The following PTPRD variants were observed in gnomAD, a reference collection of about 807,000 sequenced individuals.
The protein encoded by PTPRD is protein tyrosine phosphatase receptor type D.
PTPRD carries 34 observed loss-of-function variants against 214.5 expected under a neutral mutation model. The ratio of observed to expected loss-of-function variants is 0.16; its 90% CI spans 0.12 to 0.21. The LOEUF (loss-of-function observed/expected upper bound fraction) is 0.21, where lower values mean the gene tolerates loss of function less well. Ranked by LOEUF, PTPRD falls within the 10% of genes least tolerant of loss-of-function variation. The pLI, the probability that PTPRD is intolerant of heterozygous loss-of-function variation, is 1.00. For synonymous variants in PTPRD, 1,128 were observed against 845.7 expected, an observed-to-expected ratio of 1.33 and a Z score of -5.79; for missense variants, 2,545 against 2,398.7, an observed-to-expected ratio of 1.06 and a Z score of -1.27.
chr9:8,955,118 G>T (rs2099124221), intron 11 of PTPRD, among the ~76,000 whole-genome samples: 1 of 151,904 alleles, frequency 6.6e-6, no homozygotes, highest in South Asian at 2.1e-4. Flanking sequence ...GGAAGAGAGA[G>T]AGCTGAAGTG....
At chr9:10,450,101 T>G (rs1327667234) in intron 2 of PTPRD, among the ~76,000 whole-genome samples, 1 of 151,756 alleles carries the variant, frequency 6.6e-6, no homozygotes, top group African/African-American at 2.4e-5. Flanking sequence ...ACACAAACAC[T>G]GCGGAAGGCC....
intron 11 of PTPRD, among the ~76,000 whole-genome samples, chr9:8,772,913 A>C (rs1053307975): frequency 2.6e-5 from 4 of 152,126 alleles, no homozygotes; most frequent in African/African-American, 9.7e-5. Flanking sequence ...AAACATTTTG[A>C]TAACTTTAGG....
chr9:9,620,968 A>T (rs1192217129), intron 7 of PTPRD, among the ~76,000 whole-genome samples: 2 of 152,126 alleles, frequency 1.3e-5, no homozygotes, highest in African/African-American at 4.8e-5. Context: ...TGCTCCACAG[A>T]TGGAGAATTA....
chr9:9,051,312 G>C, intron 10 of PTPRD, among the ~76,000 whole-genome samples: 1 of 152,058 alleles, frequency 6.6e-6, no homozygotes, highest in Non-Finnish European at 1.5e-5. Flanking sequence ...ATTTAAAGTA[G>C]GCCCATTTTA....
At position 8,340,365 on chromosome 9, in the gene PTPRD, G is replaced by C. The variant is rs1305395989; in HGVS notation, c.5231C>G (p.Thr1744Ser). The C allele has an allele frequency of 8.1e-6, 13 of 1,609,790 alleles. No homozygotes were observed. Among genetic ancestry groups the C allele is most frequent in the Admixed American group, 1.7e-5 (1 of 59,820 alleles). Residue 1744 changes from threonine to serine, a missense_variant, in exon 42 of 46, where the codon ACC (threonine) becomes AGC (serine). Physicochemically the swap from Thr to Ser is moderately conservative, Grantham distance 58. Transcript: ENST00000381196. ...EHNSTIVVML[T>S]KLREMGREKC... ...TACTCTGCCCATTTCACGCAGCTTG[G>C]TGAGCATCACAACTATGGTGGAATT...
chr9:10,209,453 T>A (rs1564541758), intron 3 of PTPRD, among the ~76,000 whole-genome samples: 1 of 152,142 alleles, frequency 6.6e-6, no homozygotes, highest in African/African-American at 2.4e-5. Flanking sequence ...AATGGGCCAT[T>A]AGGGAAGGGA....
At chr9:10,394,065 T>C (rs1359819508) in intron 2 of PTPRD, among the ~76,000 whole-genome samples, 1 of 144,668 alleles carries the variant, frequency 6.9e-6, no homozygotes, top group Non-Finnish European at 1.5e-5. Flanking sequence ...ATTATATATA[T>C]ATATATATAT....
intron 43 of PTPRD, 126 bp from the exon 44 acceptor site, chr9:8,331,862 A>C (rs1156538690): frequency 8.9e-7 from 1 of 1,125,060 alleles, no homozygotes; most frequent in Admixed American, 3.2e-5. Flanking sequence ...AGTTAGGAAC[A>C]TGTTTAAATA....
intron 9 of PTPRD, among the ~76,000 whole-genome samples, chr9:9,347,899 G>A (rs752872713): frequency 6.4e-4 from 97 of 152,080 alleles, no homozygotes; most frequent in Non-Finnish European, 7.8e-4. Context: ...CATTAAAAGC[G>A]TCCTATGTCA....
chr9:8,372,071 T>C (rs139497716), intron 39 of PTPRD, among the ~76,000 whole-genome samples: 3 of 152,040 alleles, frequency 2.0e-5, no homozygotes, highest in African/African-American at 7.2e-5. Flanking sequence ...TACAAACAGA[T>C]GTATTATTAT....
intron 2 of PTPRD, among the ~76,000 whole-genome samples, chr9:10,421,118 C>A (rs532654606): frequency 4.0e-5 from 6 of 151,810 alleles, no homozygotes; most frequent in Non-Finnish European, 7.4e-5. Context: ...AGAAAGTTTA[C>A]TAATTTGTGT....
At chr9:9,304,812 G>A (rs1487070222) in intron 9 of PTPRD, among the ~76,000 whole-genome samples, 2 of 150,938 alleles carry the variant, frequency 1.3e-5, no homozygotes, top group African/African-American at 2.4e-5. Flanking sequence ...TTCATTCACA[G>A]GTTTCTGTTT....
intron 4 of PTPRD, among the ~76,000 whole-genome samples, chr9:9,954,199 G>T (rs1414865221): frequency 2.7e-5 from 4 of 150,556 alleles, no homozygotes; most frequent in Non-Finnish European, 5.9e-5. Context: ...GGGAGGCTGA[G>T]GGATGAGAAT....
chr9:10,530,600 C>CTG (rs1176956602), intron 2 of PTPRD, among the ~76,000 whole-genome samples: 2 of 152,052 alleles, frequency 1.3e-5, no homozygotes, highest in Non-Finnish European at 2.9e-5. Flanking sequence ...CAATAGTGAG[C>CTG]TGTGTGTGAA....
At chr9:9,261,349 T>C (rs1033586685) in intron 9 of PTPRD, among the ~76,000 whole-genome samples, 5 of 151,928 alleles carry the variant, frequency 3.3e-5, no homozygotes, top group African/African-American at 4.8e-5. Context: ...TAATTTCTTT[T>C]ATTCCGATTT....
At chr9:9,125,842 T>G (rs145434345) in intron 10 of PTPRD, among the ~76,000 whole-genome samples, 1 of 152,016 alleles carries the variant, frequency 6.6e-6, no homozygotes, top group African/African-American at 2.4e-5. Context: ...AAAGACTCAA[T>G]GGGGTAAAGT....
At chr9:9,312,408 A>C (rs547629423) in intron 9 of PTPRD, among the ~76,000 whole-genome samples, 1 of 152,286 alleles carries the variant, frequency 6.6e-6, no homozygotes, top group East Asian at 1.9e-4. Flanking sequence ...CATGTCTTTG[A>C]ATAACATCAT....
intron 11 of PTPRD, among the ~76,000 whole-genome samples, chr9:8,994,666 G>A (rs986388585): frequency 6.6e-6 from 1 of 151,954 alleles, no homozygotes; most frequent in African/African-American, 2.4e-5. Flanking sequence ...GTTGGAGGGG[G>A]GGTGTTGTTT....
chr9:10,107,994 C>G (rs984142350), intron 3 of PTPRD, among the ~76,000 whole-genome samples: 1 of 151,998 alleles, frequency 6.6e-6, no homozygotes, highest in Non-Finnish European at 1.5e-5. Flanking sequence ...CACTTGGAGG[C>G]AAATGGCAGC....
Sources: allele counts gnomAD v4.1 joint callset (sites outside exome capture counted in the v4.1 genomes callset), GRCh38; gene constraint gnomAD v4.1.1; transcripts MANE v1.5; gene names NCBI Gene and HGNC (gene_info 2026-07-23, HGNC 2026-07-21).